The following PSME4 variants were observed in gnomAD, a reference collection of about 807,000 sequenced individuals.
PSME4 encodes the protein proteasome activator complex subunit 4.
In PSME4, 89 loss-of-function variants were observed where a neutral mutation model predicts 253.9. That is an observed-to-expected ratio of 0.35 (90% CI 0.30 to 0.42). The LOEUF (loss-of-function observed/expected upper bound fraction) is 0.42, where lower values mean the gene tolerates loss of function less well. PSME4 is among the 10% of genes least tolerant of loss of function. The probability of loss-of-function intolerance (pLI) is 1.00; values close to 1 mark genes in which losing one functional copy is unlikely to be tolerated. For synonymous variants in PSME4, 851 were observed against 759.2 expected, an observed-to-expected ratio of 1.12 and a Z score of -1.99; for missense variants, 2,014 against 2,195.2, an observed-to-expected ratio of 0.92 and a Z score of 1.65.
intron 34 of PSME4, 57 bp from the exon 35 acceptor site, chr2:53,893,856 T>C: frequency 6.6e-7 from 1 of 1,507,138 alleles, no homozygotes; most frequent in Non-Finnish European, 8.8e-7. Context: ...AAATACATGA[T>C]TCTGAAAAAG....
At chr2:53,956,772 G>C (rs1670256119) in intron 1 of PSME4, among the ~76,000 whole-genome samples, 2 of 151,684 alleles carry the variant, frequency 1.3e-5, no homozygotes, top group Non-Finnish European at 2.9e-5. Context: ...AATTAACAAT[G>C]AAAAAATTAA....
chr2:53,889,741 T>C lies in PSME4; in HGVS notation c.4296+363A>G, dbSNP rs189523800. ...CTATAACTTTGTATTATGTGGCTTT[T>C]ACTATATGTAAGTGACATTTCCAAA... On this transcript the variant is annotated intron_variant, in intron 37 of 46. Transcript: ENST00000404125. Among the ~76,000 whole-genome samples, 61 of 152,332 alleles carry C rather than the reference T, an allele frequency of 4.0e-4. 1 individual carries two copies. Among genetic ancestry groups the C allele is most frequent in the African/African-American group, 1.0e-3 (43 of 41,572 alleles).
chr2:53,932,920 G>T, intron 8 of PSME4, 160 bp from the exon 9 acceptor site: 2 of 578,462 alleles, frequency 3.5e-6, no homozygotes, highest in Non-Finnish European at 6.1e-6. Context: ...ACAATTCCCT[G>T]ATGAACTTCA....
intron 18 of PSME4, 136 bp from the exon 19 acceptor site, chr2:53,920,486 C>A: frequency 3.4e-6 from 3 of 895,006 alleles, no homozygotes; most frequent in Non-Finnish European, 4.8e-6. Context: ...AAATGATATA[C>A]AAAAAAGTAG....
rs1678471293 is a variant in PSME4, at chr2:53,864,377, G to C, written c.*1201C>G. ...GGCAAACATGTGGTGTTAGCATTGAGAGATGCACACAAAAATGTTACATAA... is the reference window on the plus strand; with the variant it reads ...GGCAAACATGTGGTGTTAGCATTGACAGATGCACACAAAAATGTTACATAA... On this transcript the variant is annotated 3_prime_UTR_variant, in exon 47 of 47. Coordinates refer to ENST00000404125, the MANE Select transcript of PSME4 (RefSeq NM_014614.3). 6.6e-6 allele frequency: 1 copy of C among 151,702 alleles called. No homozygotes were observed. Among genetic ancestry groups the C allele is most frequent in the Non-Finnish European group, 1.5e-5 (1 of 67,954 alleles). The allele number at this position is 151,702 out of a possible 1,614,324, so 9.4% of individuals were successfully genotyped here.
chr2:53,905,084 C>T (rs1383934008), intron 26 of PSME4, among the ~76,000 whole-genome samples: 2 of 150,308 alleles, frequency 1.3e-5, no homozygotes, highest in African/African-American at 4.9e-5. Flanking sequence ...GGCTGGAGTG[C>T]AGTGGCACCA....
At chr2:53,938,234 G>C (rs2104465769) in intron 4 of PSME4, among the ~76,000 whole-genome samples, 1 of 152,208 alleles carries the variant, frequency 6.6e-6, no homozygotes, top group South Asian at 2.1e-4. Flanking sequence ...ACGAGAAAGA[G>C]AACATCAGTC....
intron 14 of PSME4, among the ~76,000 whole-genome samples, chr2:53,923,913 CA>C (rs199929436): frequency 2.8e-3 from 271 of 96,758 alleles, no homozygotes; most frequent in African/African-American, 9.5e-3. Flanking sequence ...ACAGAGTTAA[CA>C]AAAAAAAAAA....
At chr2:53,884,330 C>A (rs1009698946) in intron 41 of PSME4, among the ~76,000 whole-genome samples, 1 of 152,188 alleles carries the variant, frequency 6.6e-6, no homozygotes, top group African/African-American at 2.4e-5. Flanking sequence ...CCTGCCTCAG[C>A]CTCCCGAGTA....
At chr2:53,867,795 T>G (rs1337375541) in intron 44 of PSME4, among the ~76,000 whole-genome samples, 1 of 148,906 alleles carries the variant, frequency 6.7e-6, no homozygotes, top group Non-Finnish European at 1.5e-5. Flanking sequence ...ATTAGCGTGG[T>G]TTTTTTTTTC....
At chr2:53,940,682 T>C (rs1249486702) in intron 3 of PSME4, among the ~76,000 whole-genome samples, 1 of 151,290 alleles carries the variant, frequency 6.6e-6, no homozygotes, top group Non-Finnish European at 1.5e-5. Context: ...GTGACCAGAA[T>C]GGAATATTTA....
chr2:53,887,461 C>G lies in PSME4; in HGVS notation c.4527G>C (p.Leu1509=). 6.2e-7 allele frequency: 1 copy of G among 1,609,124 alleles called. No individual in the cohort carries two copies. Among genetic ancestry groups the G allele is most frequent in the Non-Finnish European group, 8.5e-7 (1 of 1,176,648 alleles). ...ATACATCTATCATGAATATGTAGGT[C>G]AGCACACTGCAAAATAAAATACTTA... ...KNVRERIGSV[L]TYIFMIDVSL... Residue 1509 remains leucine, a synonymous_variant, in exon 40 of 47, where the codon CTG becomes CTC. Transcript: ENST00000404125.
chr2:53,878,864 G>A (rs927374190), intron 41 of PSME4, among the ~76,000 whole-genome samples: 12 of 152,226 alleles, frequency 7.9e-5, no homozygotes, highest in South Asian at 4.1e-4. Flanking sequence ...CTGTGATCTC[G>A]CCCTGCCTCC....
intron 36 of PSME4, among the ~76,000 whole-genome samples, chr2:53,890,978 G>A (rs1447104121): frequency 6.6e-6 from 1 of 152,208 alleles, no homozygotes; most frequent in African/African-American, 2.4e-5. Context: ...AGTGAGCCGA[G>A]ATCATCCCAC....
rs1251184719 is a variant in PSME4, at chr2:53,941,254, TAACTGAAGAGGC to T, written c.501-1266_501-1255del. ...ATTTCAAAACTACTCAGAGAAAAAT[TAACTGAAGAGGC>T]AACTAGATTACAACACATGAGATGA... is the stretch of plus-strand genomic sequence containing the variant. On this transcript the variant is annotated intron_variant, in intron 3 of 46. Coordinates refer to ENST00000404125, the MANE Select transcript of PSME4 (RefSeq NM_014614.3). Among the ~76,000 whole-genome samples, 3 of 145,242 alleles carry T rather than the reference TAACTGAAGAGGC, an allele frequency of 2.1e-5. No homozygotes were observed. In the East Asian group the frequency reaches 6.0e-4, roughly 29 times the overall value.
intron 37 of PSME4, 64 bp from the exon 38 acceptor site, chr2:53,888,876 T>C: frequency 8.0e-7 from 1 of 1,257,316 alleles, no homozygotes; most frequent in Non-Finnish European, 1.2e-6. Context: ...CAAATCATAC[T>C]CAGTTATTTA....
chr2:53,892,693 A>G (rs980999622), intron 36 of PSME4, 115 bp downstream of exon 36: 7 of 945,530 alleles, frequency 7.4e-6, no homozygotes, highest in African/African-American at 4.9e-5. Context: ...GGCATATTTC[A>G]TATCACTGAA....
intron 12 of PSME4, among the ~76,000 whole-genome samples, 168 bp from the exon 13 acceptor site, chr2:53,926,191 C>T (rs926081369): frequency 1.3e-5 from 2 of 152,096 alleles, no homozygotes; most frequent in African/African-American, 4.8e-5. Context: ...CAATTTAGAA[C>T]AACTTCATCT....
intron 41 of PSME4, 131 bp downstream of exon 41, chr2:53,885,558 TG>T: frequency 3.3e-6 from 2 of 599,164 alleles, no homozygotes; most frequent in Admixed American, 5.9e-5. Flanking sequence ...ATGATTTTCC[TG>T]TGACCATTCT....
Sources: allele counts gnomAD v4.1 joint callset (sites outside exome capture counted in the v4.1 genomes callset), GRCh38; gene constraint gnomAD v4.1.1; transcripts MANE v1.5; gene names NCBI Gene and HGNC (gene_info 2026-07-23, HGNC 2026-07-21).